The following MGA variants were observed in gnomAD, a reference collection of about 807,000 sequenced individuals.
MGA encodes MAX gene-associated protein.
Under a neutral mutation model 261.1 loss-of-function variants are expected in MGA, and 40 were observed. The observed-to-expected ratio is 0.15, with a 90% confidence interval of 0.12 to 0.20. The LOEUF (loss-of-function observed/expected upper bound fraction) is 0.20, where lower values mean the gene tolerates loss of function less well. Ranked by LOEUF, MGA falls within the 10% of genes least tolerant of loss-of-function variation. The pLI is 1.00. For missense variants in MGA, 3,397 were observed against 3,630.5 expected (o/e 0.94, Z 1.65); for synonymous variants, 1,302 against 1,290.6 (o/e 1.01, Z -0.19).
chr15:41,749,559 A>C lies in MGA; in HGVS notation c.5952A>C (p.Ile1984=). The C allele has an allele frequency of 6.2e-7, 1 of 1,613,946 alleles. No individual in the cohort carries two copies. The highest frequency in any genetic ancestry group is 8.5e-7 in the Non-Finnish European group (1 of 1,179,868). ...ACCAGAAAGATGAAACAAACTCAATAAAAAGAGAGCAAGAAACGAAGAAGG... is the reference window on the plus strand; with the variant it reads ...ACCAGAAAGATGAAACAAACTCAATCAAAAGAGAGCAAGAAACGAAGAAGG... The change falls in exon 17 of 24, where the codon ATA becomes ATC. Residue 1984 remains isoleucine (I), a synonymous_variant. Transcript: ENST00000219905.
intron 1 of MGA, among the ~76,000 whole-genome samples, chr15:41,643,739 A>G (rs1441643666): frequency 6.8e-6 from 1 of 146,718 alleles, no homozygotes; most frequent in Admixed American, 6.8e-5. Context: ...TTTATCGTGT[A>G]TTACCTGTGC....
At chr15:41,650,199 G>A (rs980948293) in intron 1 of MGA, among the ~76,000 whole-genome samples, 2 of 152,160 alleles carry the variant, frequency 1.3e-5, no homozygotes, top group Non-Finnish European at 2.9e-5. Context: ...TTGAGGGTAG[G>A]AATCATGTCT....
rs565612482 is a variant in MGA, at chr15:41,769,909, C to T, written c.*2629C>T. On this transcript the variant is annotated 3_prime_UTR_variant, in exon 24 of 24. Transcript: ENST00000219905. ...GTGATTGAAAGGTAGAATATATAAA[C>T]CTGAAATAAAGCAGTTAAAACAATT... The T allele has an allele frequency of 2.0e-5, 3 of 152,550 alleles. No homozygotes were observed. The South Asian group carries it at 6.2e-4, about 32-fold the overall frequency. 9.4% of individuals were successfully genotyped at this position (152,550 alleles called of 1,614,324 possible). A position where few individuals can be genotyped will look rare whatever the true frequency, so the allele number is the denominator to read the frequency against.
chr15:41,649,315 A>G (rs1237622991), intron 1 of MGA, among the ~76,000 whole-genome samples: 1 of 151,266 alleles, frequency 6.6e-6, no homozygotes, highest in Admixed American at 6.6e-5. Flanking sequence ...TGGGTGGCAG[A>G]GGTTGCAAGT....
intron 2 of MGA, among the ~76,000 whole-genome samples, chr15:41,678,784 C>G (rs2058518103): frequency 6.7e-6 from 1 of 149,646 alleles, no homozygotes; most frequent in Non-Finnish European, 1.5e-5. Flanking sequence ...AAAAAAACCA[C>G]AAAATGAAAA....
chr15:41,640,551 G>A (rs562236169), intron 1 of MGA, among the ~76,000 whole-genome samples: 5 of 151,488 alleles, frequency 3.3e-5, no homozygotes, highest in South Asian at 2.1e-4. Context: ...ATGGAATCTC[G>A]CTCTGTCGCC....
In MGA at chr15:41,767,124, GGCACCTATA is replaced by G; in HGVS notation, c.9045_9053del (p.Pro3016_Ala3018del). ...AGAGTCTCAAGGTGATGCCTTGTTTGGCACCTATAGCTGCCAAAGTTGGGTCAGTTGGAC... is the reference window on the plus strand; with the variant it reads ...AGAGTCTCAAGGTGATGCCTTGTTTGGCTGCCAAAGTTGGGTCAGTTGGAC... On this transcript the variant is annotated inframe_deletion, in exon 24 of 24. Coordinates refer to ENST00000219905, the MANE Select transcript of MGA (RefSeq NM_001164273.2). 1 of 1,613,980 alleles carries G rather than the reference GGCACCTATA, an allele frequency of 6.2e-7. No homozygotes were observed. Among genetic ancestry groups the G allele is most frequent in the East Asian group, 2.2e-5 (1 of 44,878 alleles).
intron 5 of MGA, among the ~76,000 whole-genome samples, chr15:41,706,013 C>T (rs1055147981): frequency 2.0e-5 from 3 of 151,750 alleles, no homozygotes; most frequent in South Asian, 4.2e-4. Flanking sequence ...CCGAGGCGGG[C>T]GGATTACGAG....
chr15:41,747,076 G>A (rs1595956033), intron 15 of MGA, among the ~76,000 whole-genome samples: 1 of 151,600 alleles, frequency 6.6e-6, no homozygotes, highest in East Asian at 1.9e-4. Context: ...ACTATTAATG[G>A]TTTGAAATCT....
intron 5 of MGA, among the ~76,000 whole-genome samples, chr15:41,704,898 C>T (rs1567004706): frequency 6.6e-6 from 1 of 150,376 alleles, no homozygotes; most frequent in Non-Finnish European, 1.5e-5. Context: ...CTTTATGAGT[C>T]TTTTTTTGTA....
chr15:41,683,993 T>C (rs1006209613), intron 2 of MGA, among the ~76,000 whole-genome samples: 6 of 152,284 alleles, frequency 3.9e-5, no homozygotes, highest in African/African-American at 1.2e-4. Context: ...ACATACGGCA[T>C]GCTAAGCACC....
chr15:41,630,843 C>T (rs1302768472), intron 1 of MGA, among the ~76,000 whole-genome samples: 2 of 152,130 alleles, frequency 1.3e-5, no homozygotes, highest in African/African-American at 4.8e-5. Flanking sequence ...ATCAGCAGTA[C>T]TCACCCCAGG....
At chr15:41,650,261 G>A (rs576444395) in intron 1 of MGA, among the ~76,000 whole-genome samples, 3 of 152,238 alleles carry the variant, frequency 2.0e-5, no homozygotes, top group African/African-American at 7.2e-5. Context: ...TTTGACTTGA[G>A]GAATTAATGA....
chr15:41,630,680 T>C (rs1157044589), intron 1 of MGA, among the ~76,000 whole-genome samples: 1 of 152,198 alleles, frequency 6.6e-6, no homozygotes, highest in Non-Finnish European at 1.5e-5. Context: ...GAATAATGCT[T>C]ATTCTTTGGA....
intron 12 of MGA, among the ~76,000 whole-genome samples, chr15:41,734,962 A>C (rs2061690765): frequency 3.3e-5 from 5 of 152,024 alleles, no homozygotes; most frequent in Non-Finnish European, 1.5e-5. Context: ...AGGAGAAAGG[A>C]AGGAATATTA....
intron 18 of MGA, 74 bp downstream of exon 18, chr15:41,754,641 G>T: frequency 7.0e-7 from 1 of 1,427,372 alleles, no homozygotes; most frequent in Non-Finnish European, 9.2e-7. Context: ...GTTCTGTTCA[G>T]GAGCTCTGGG....
At chr15:41,723,665 C>T (rs1007549398) in intron 9 of MGA, among the ~76,000 whole-genome samples, 2 of 152,138 alleles carry the variant, frequency 1.3e-5, no homozygotes, top group African/African-American at 2.4e-5. Context: ...GATCCTCCCA[C>T]CTTGGCATCT....
chr15:41,761,642 G>A (rs2063465890), intron 20 of MGA, 97 bp from the exon 21 acceptor site: 1 of 628,710 alleles, frequency 1.6e-6, no homozygotes, highest in Admixed American at 3.7e-5. Context: ...TAAGATGTCA[G>A]ATTAAGTTTT....
intron 1 of MGA, among the ~76,000 whole-genome samples, chr15:41,629,720 T>G (rs1388672820): frequency 1.3e-5 from 2 of 151,808 alleles, no homozygotes; most frequent in African/African-American, 4.8e-5. Flanking sequence ...CAAATGGAGA[T>G]CCTGTCTCAA....
Sources: gnomAD v4.1 joint callset for allele counts (sites outside exome capture counted in the v4.1 genomes callset) on GRCh38, gnomAD v4.1.1 for gene constraint, MANE v1.5 for transcripts, NCBI Gene and HGNC (gene_info 2026-07-23, HGNC 2026-07-21) for gene names.